The following SLC9B1 variants were observed in gnomAD, a reference collection of about 807,000 sequenced individuals.
The protein encoded by SLC9B1 is sodium/hydrogen exchanger 9B1.
A neutral mutation model predicts 51.7 loss-of-function variants in SLC9B1; 32 were observed. The ratio of observed to expected loss-of-function variants is 0.62; its 90% CI spans 0.47 to 0.83. The LOEUF (loss-of-function observed/expected upper bound fraction) is 0.83, where lower values mean the gene tolerates loss of function less well. Among genes scored for constraint, SLC9B1 ranks in the 40% least tolerant of loss-of-function variants. The probability of loss-of-function intolerance (pLI) is 0.00; values close to 1 mark genes in which losing one functional copy is unlikely to be tolerated. For synonymous variants in SLC9B1, 145 were observed against 212.7 expected (o/e 0.68, Z 2.77); for missense variants, 406 against 613.2 (o/e 0.66, Z 3.57).
chr4:103,010,287 G>A (rs952984991), intron 1 of SLC9B1, among the ~76,000 whole-genome samples: 2 of 152,100 alleles, frequency 1.3e-5, no homozygotes, highest in African/African-American at 4.8e-5. Flanking sequence ...CTGGAGGGGA[G>A]GGAGTCTATG....
At chr4:103,001,083 C>T (rs1045881802) in intron 1 of SLC9B1, among the ~76,000 whole-genome samples, 5 of 152,236 alleles carry the variant, frequency 3.3e-5, no homozygotes, top group Non-Finnish European at 5.9e-5. Context: ...GGGCCCAACA[C>T]CACGTGTAAG....
At chr4:102,887,295 G>C in intron 11 of SLC9B1, 1 of 1,111,404 alleles carries the variant, frequency 9.0e-7, no homozygotes, top group Admixed American at 1.7e-5. Context: ...TCTACCTAAT[G>C]AATCATATTT....
chr4:102,950,762 G>C (rs1388474160), intron 3 of SLC9B1, among the ~76,000 whole-genome samples: 3 of 152,206 alleles, frequency 2.0e-5, no homozygotes, highest in Non-Finnish European at 4.4e-5. Context: ...GGGAGGCTGA[G>C]GCAGGTGGAT....
intron 1 of SLC9B1, among the ~76,000 whole-genome samples, chr4:103,000,884 G>A (rs372499595): frequency 1.3e-5 from 2 of 152,224 alleles, no homozygotes; most frequent in East Asian, 3.8e-4. Flanking sequence ...ACTAGGTAGT[G>A]CCCCATTGGG....
At chr4:102,903,178 T>C (rs982395923) in intron 11 of SLC9B1, among the ~76,000 whole-genome samples, 12 of 152,206 alleles carry the variant, frequency 7.9e-5, no homozygotes, top group Non-Finnish European at 1.8e-4. Flanking sequence ...TCTTTCCTCA[T>C]ACCTGCTTTT....
At chr4:102,991,478 C>T (rs1739935700) in intron 2 of SLC9B1, among the ~76,000 whole-genome samples, 165 bp downstream of exon 2, 1 of 152,040 alleles carries the variant, frequency 6.6e-6, no homozygotes, top group African/African-American at 2.4e-5. Flanking sequence ...TTCATTATTT[C>T]TGCTCATTTC....
intron 1 of SLC9B1, among the ~76,000 whole-genome samples, chr4:103,008,256 A>G (rs1396111018): frequency 1.3e-5 from 2 of 152,182 alleles, no homozygotes; most frequent in African/African-American, 4.8e-5. Flanking sequence ...CTGCTGTTAT[A>G]TTGCTAGGCT....
At chr4:102,968,392 G>A (rs1449446431) in intron 3 of SLC9B1, among the ~76,000 whole-genome samples, 4 of 152,000 alleles carry the variant, frequency 2.6e-5, no homozygotes, top group Non-Finnish European at 2.9e-5. Context: ...AAAACTTCTA[G>A]GAAAAAAATA....
At chr4:102,943,418 G>A (rs569697143) in intron 6 of SLC9B1, among the ~76,000 whole-genome samples, 4 of 151,314 alleles carry the variant, frequency 2.6e-5, no homozygotes, top group East Asian at 3.9e-4. Flanking sequence ...CAAAAAATAC[G>A]GAACTAGCTC....
At chr4:102,998,978 C>G (rs956537099) in intron 1 of SLC9B1, among the ~76,000 whole-genome samples, 16 of 152,140 alleles carry the variant, frequency 1.1e-4, no homozygotes, top group African/African-American at 3.9e-4. Flanking sequence ...TCTGCCTCAG[C>G]CTCCCAAGTG....
At chr4:103,014,757 T>G (rs748307918) in intron 1 of SLC9B1, 2 of 152,230 alleles carry the variant, frequency 1.3e-5, no homozygotes, top group Non-Finnish European at 2.9e-5. Context: ...AACTTTTTCT[T>G]TGATATCACT....
intron 11 of SLC9B1, among the ~76,000 whole-genome samples, chr4:102,894,056 T>C (rs1734414584): frequency 6.6e-6 from 1 of 152,188 alleles, no homozygotes; most frequent in Admixed American, 6.5e-5. Flanking sequence ...TTCATGGGTA[T>C]TTCAATATCA....
At chr4:102,976,211 C>T (rs1351088365) in intron 3 of SLC9B1, among the ~76,000 whole-genome samples, 1 of 152,136 alleles carries the variant, frequency 6.6e-6, no homozygotes, top group Admixed American at 6.5e-5. Context: ...TCAGATAAAC[C>T]CCAGCAATTT....
In SLC9B1 at chr4:102,960,542, GA is replaced by G. The variant is rs1487755479; in HGVS notation, c.212-11116del. ...CTGTGGTGAGGTTTGTACATTTTAG[GA>G]AGCCTTGTTATTTTTAGCTCATATG... On this transcript the variant is annotated intron_variant, in intron 3 of 11. Transcript: ENST00000296422. Among the ~76,000 whole-genome samples, 3 of 152,186 alleles carry G rather than the reference GA, an allele frequency of 2.0e-5. No homozygotes were observed. The South Asian group carries it at 6.2e-4, about 32-fold the overall frequency.
intron 3 of SLC9B1, among the ~76,000 whole-genome samples, chr4:102,979,822 A>T (rs1739261559): frequency 6.6e-6 from 1 of 152,208 alleles, no homozygotes; most frequent in Admixed American, 6.5e-5. Flanking sequence ...ACAGAATGGG[A>T]GAAAATTTTT....
At chr4:102,931,805 T>C (rs1736471578) in intron 7 of SLC9B1, among the ~76,000 whole-genome samples, 1 of 152,224 alleles carries the variant, frequency 6.6e-6, no homozygotes, top group Non-Finnish European at 1.5e-5. Flanking sequence ...ATATTAGTAG[T>C]ACAAATAATA....
chr4:102,993,481 A>G (rs2866417), intron 1 of SLC9B1, among the ~76,000 whole-genome samples: 82,914 of 152,058 alleles, frequency 0.55, 23,160 homozygotes, highest in African/African-American at 0.68. Flanking sequence ...GCAGAGTTAC[A>G]GTCCCACTCT....
chr4:102,997,232 T>A, intron 1 of SLC9B1, among the ~76,000 whole-genome samples: 1 of 152,202 alleles, frequency 6.6e-6, no homozygotes, highest in East Asian at 1.9e-4. Flanking sequence ...AGCTGGAATT[T>A]TGACTGAAGT....
At chr4:102,890,346 C>T (rs1734177199) in intron 11 of SLC9B1, 1 of 152,180 alleles carries the variant, frequency 6.6e-6, no homozygotes, top group Admixed American at 6.5e-5. Context: ...AATGTGCTGT[C>T]AGAATCTGTA....
Sources: allele counts gnomAD v4.1 joint callset (sites outside exome capture counted in the v4.1 genomes callset), GRCh38; gene constraint gnomAD v4.1.1; transcripts MANE v1.5; gene names NCBI Gene and HGNC (gene_info 2026-07-23, HGNC 2026-07-21).